Variants in RTN1 observed in about 807,000 individuals in gnomAD.
The protein encoded by RTN1 is reticulon-1.
Under a neutral mutation model 65.5 loss-of-function variants are expected in RTN1, and 25 were observed. The observed-to-expected ratio is 0.38, with a 90% confidence interval of 0.28 to 0.53. RTN1 has a LOEUF of 0.53. RTN1 is among the 20% of genes least tolerant of loss of function. The probability of loss-of-function intolerance (pLI) is 0.79; values close to 1 mark genes in which losing one functional copy is unlikely to be tolerated. For synonymous variants in RTN1, 471 were observed against 447.6 expected (o/e 1.05, Z -0.66); for missense variants, 983 against 1,025.4 (o/e 0.96, Z 0.57).
intron 8 of RTN1, among the ~76,000 whole-genome samples, chr14:59,598,087 T>C (rs1881461635): frequency 6.6e-6 from 1 of 151,302 alleles, no homozygotes; most frequent in African/African-American, 2.4e-5. Context: ...AAAAAAAAAT[T>C]GGGAAATGAG....
chr14:59,630,559 A>T, intron 3 of RTN1: 1 of 1,608,474 alleles, frequency 6.2e-7, no homozygotes, highest in Non-Finnish European at 8.5e-7. Context: ...CCGAGCGTGC[A>T]CTCAAGCGTT....
chr14:59,602,253 G>C (rs1354002427), intron 8 of RTN1, among the ~76,000 whole-genome samples: 1 of 152,072 alleles, frequency 6.6e-6, no homozygotes, highest in African/African-American at 2.4e-5. Flanking sequence ...ATTATTATCA[G>C]ATAATTAGAT....
rs566054378 is a variant in RTN1 at position 59,620,565 on chromosome 14, C to A, written c.1766-13073G>T. On this transcript the variant is annotated intron_variant, in intron 3 of 8. Transcript: ENST00000267484. ...TTGATCTATTAATACAATATATAAT[C>A]AAAACGAATTTTACCTGTTTCTTCT... 2.0e-5 allele frequency among the ~76,000 whole-genome samples: 3 copies of A among 152,260 alleles called. No homozygotes were observed. In the South Asian group the frequency reaches 6.2e-4, roughly 32 times the overall value.
In RTN1 at chr14:59,764,664, A is replaced by T. The variant is rs147814645; in HGVS notation, c.242-18183T>A. The stretch of plus-strand genomic sequence containing the variant: ...GCAAATAATCACTATAACATTTTTT[A>T]AAACTAGAAGTACATAAGTTTAAGA... On this transcript the variant is annotated intron_variant, in intron 1 of 8. Coordinates refer to ENST00000267484, the MANE Select transcript of RTN1 (RefSeq NM_021136.3). Among the ~76,000 whole-genome samples the T allele has an allele frequency of 8.1e-4, 123 of 152,292 alleles. 1 individual carries two copies. The highest frequency in any genetic ancestry group is 2.7e-3 in the African/African-American group (111 of 41,568).
At chr14:59,643,946 A>G (rs571648563) in intron 3 of RTN1, among the ~76,000 whole-genome samples, 1 of 152,344 alleles carries the variant, frequency 6.6e-6, no homozygotes, top group East Asian at 1.9e-4. Context: ...TTAGCAGACA[A>G]AAACTTCAAA....
intron 1 of RTN1, among the ~76,000 whole-genome samples, chr14:59,754,461 A>G (rs924037721): frequency 1.6e-4 from 24 of 152,212 alleles, no homozygotes; most frequent in Non-Finnish European, 3.2e-4. Context: ...AGTTCATTCA[A>G]TTGGTGATCC....
chr14:59,630,317 C>A (rs553826139), intron 3 of RTN1: 3 of 1,118,718 alleles, frequency 2.7e-6, no homozygotes, highest in Non-Finnish European at 1.3e-6. Context: ...GGTTTACTAC[C>A]CCCCAACACA....
At chr14:59,713,978 G>A (rs1297657575) in intron 3 of RTN1, among the ~76,000 whole-genome samples, 2 of 152,162 alleles carry the variant, frequency 1.3e-5, no homozygotes, top group Non-Finnish European at 2.9e-5. Flanking sequence ...GGTCACGCCT[G>A]TAATCCCAGC....
rs1228892542 is a variant in RTN1, at chr14:59,816,925, C to A, written c.241+53465G>T. Among the ~76,000 whole-genome samples the A allele has an allele frequency of 6.6e-6, 1 of 151,996 alleles. No homozygotes were observed. The highest frequency in any genetic ancestry group is 6.5e-5 in the Admixed American group (1 of 15,272). Reference sequence around the variant, plus strand: ...TCCAGCCTGGGTGACAGAAAGAGACCGTGACTCAAAATCAATTAATTAATA... The same window carrying A: ...TCCAGCCTGGGTGACAGAAAGAGACAGTGACTCAAAATCAATTAATTAATA... On this transcript the variant is annotated intron_variant, in intron 1 of 8. Coordinates refer to ENST00000267484, the MANE Select transcript of RTN1 (RefSeq NM_021136.3). The surrounding 1 kb of genome is among the most constrained non-coding windows in gnomAD (Gnocchi z 4.3).
intron 3 of RTN1, among the ~76,000 whole-genome samples, chr14:59,723,941 T>G (rs998884965): frequency 6.6e-5 from 10 of 152,214 alleles, no homozygotes; most frequent in Non-Finnish European, 1.3e-4. Context: ...TACAATCACA[T>G]AGGTTTGGTA....
Position 59,837,429 on chromosome 14 carries a change from A to T in RTN1, c.241+32961T>A, listed in dbSNP as rs150721003. 5.9e-3 allele frequency among the ~76,000 whole-genome samples: 895 copies of T among 152,208 alleles called. 11 individuals carry two copies. The highest frequency in any genetic ancestry group is 0.02 in the African/African-American group (846 of 41,572). On this transcript the variant is annotated intron_variant, in intron 1 of 8. Transcript: ENST00000267484. The stretch of plus-strand genomic sequence containing the variant: ...AAAACAAAAGGAAGAAACAGAAAGG[A>T]AATCAATAATACATTTGAACACACA...
chr14:59,604,181 C>T lies in RTN1; in HGVS notation c.2113-260G>A, dbSNP rs1471393621. 1.7e-5 allele frequency: 4 copies of T among 235,134 alleles called. No homozygotes were observed. The South Asian group carries it at 3.2e-4, about 19-fold the overall frequency. The allele number at this position is 235,134 out of a possible 1,614,324, so 14.6% of individuals were successfully genotyped here. A position where few individuals can be genotyped will look rare whatever the true frequency, so the allele number is the denominator to read the frequency against. On this transcript the variant is annotated intron_variant, in intron 5 of 8. Transcript: ENST00000267484. ...AATCTACGAAGCTGTGGCCCTTGAC[C>T]GGTTTTTGCATAGGCCCACGAGTTA...
At chr14:59,616,142 T>C (rs530433684) in intron 3 of RTN1, among the ~76,000 whole-genome samples, 1 of 152,300 alleles carries the variant, frequency 6.6e-6, no homozygotes, top group African/African-American at 2.4e-5. Context: ...AAATATGAAA[T>C]GGTGTTTGGC....
At chr14:59,839,692 C>T (rs887671573) in intron 1 of RTN1, among the ~76,000 whole-genome samples, 1 of 152,076 alleles carries the variant, frequency 6.6e-6, no homozygotes, top group African/African-American at 2.4e-5. Flanking sequence ...TTAACCATTC[C>T]AATTCTGATG....
intron 3 of RTN1, among the ~76,000 whole-genome samples, chr14:59,688,352 A>G (rs1883890694): frequency 2.0e-5 from 3 of 152,214 alleles, no homozygotes; most frequent in Admixed American, 2.0e-4. Flanking sequence ...TCCCAGCTCC[A>G]AAACTAGGCA....
At chr14:59,793,636 CCACACACACACACACACACACACACA>C (rs766243780) in intron 1 of RTN1, among the ~76,000 whole-genome samples, 1 of 144,216 alleles carries the variant, frequency 6.9e-6, no homozygotes, top group Non-Finnish European at 1.5e-5. Flanking sequence ...CAGGCACACA[CCACACACACACACACACACACACACA>C]CACACACACA....
At chr14:59,750,354 T>A (rs1481728063) in intron 1 of RTN1, among the ~76,000 whole-genome samples, 1,225 of 12,182 alleles carry the variant, frequency 0.1, 108 homozygotes, top group African/African-American at 0.17. Context: ...TAATATATAT[T>A]ATATCTATAT....
intron 3 of RTN1, among the ~76,000 whole-genome samples, chr14:59,648,956 GAAAT>G (rs1882960938): frequency 6.6e-6 from 1 of 152,150 alleles, no homozygotes; most frequent in African/African-American, 2.4e-5. Flanking sequence ...GCAAGAGAAA[GAAAT>G]AAATGGCATT....
chr14:59,823,081 G>GT (rs1435219358), intron 1 of RTN1, among the ~76,000 whole-genome samples: 2 of 152,084 alleles, frequency 1.3e-5, no homozygotes. Flanking sequence ...TCAGTGATCT[G>GT]TCTAACACTG....
Sources: allele counts gnomAD v4.1 joint callset (sites outside exome capture counted in the v4.1 genomes callset), GRCh38; gene constraint gnomAD v4.1.1; non-coding constraint Gnocchi (gnomAD v3.1); transcripts MANE v1.5; gene names NCBI Gene and HGNC (gene_info 2026-07-23, HGNC 2026-07-21).